ZNF114: variants seen among roughly 807,000 people sequenced by gnomAD.
ZNF114 encodes zinc finger protein 114 (Y18).
In ZNF114, 8 loss-of-function variants were observed where a neutral mutation model predicts 6.8. The ratio of observed to expected loss-of-function variants is 1.18; its 90% CI spans 0.69 to 2.13. The LOEUF is 2.13. Among genes scored for constraint, ZNF114 ranks in the 30% most tolerant of loss-of-function variants. The pLI, the probability that ZNF114 is intolerant of heterozygous loss-of-function variation, is 0.00. For missense variants in ZNF114, 472 were observed against 519.5 expected (o/e 0.91, Z 0.89); for synonymous variants, 169 against 185.5 (o/e 0.91, Z 0.72).
intron 3 of ZNF114, among the ~76,000 whole-genome samples, chr19:48,274,512 T>A (rs1263656474): frequency 6.8e-3 from 159 of 23,330 alleles, no homozygotes; most frequent in African/African-American, 0.026. Flanking sequence ...ATATATTTTT[T>A]TTTTTTTTTT....
chr19:48,275,791 G>A lies in ZNF114; in HGVS notation c.-69-3940G>A, dbSNP rs1366273424. On this transcript the variant is annotated intron_variant, in intron 3 of 5. Transcript: ENST00000595607. ...AGGCAGATCACGAGGTCAGGAGATC[G>A]AGACCACGGTGAAACCCCGTCTCTA... 7.3e-4 allele frequency among the ~76,000 whole-genome samples: 111 copies of A among 151,966 alleles called. 1 individual carries two copies. The highest frequency in any genetic ancestry group is 1.3e-4 in the Non-Finnish European group (9 of 67,968).
intron 4 of ZNF114, 156 bp from the exon 5 acceptor site, chr19:48,282,215 C>T: frequency 9.7e-7 from 1 of 1,028,016 alleles, no homozygotes; most frequent in Non-Finnish European, 1.4e-6. Flanking sequence ...CATCTTAATT[C>T]ATTGACATCT....
chr19:48,282,681 T>TTATTTTATTTTA (rs1311590348), intron 5 of ZNF114, among the ~76,000 whole-genome samples, 184 bp downstream of exon 5: 1 of 131,658 alleles, frequency 7.6e-6, no homozygotes, highest in Non-Finnish European at 1.7e-5. Flanking sequence ...ATTACTTTAT[T>TTATTTTATTTTA]TATTTTATTT....
chr19:48,279,315 T>C (rs1222235493), intron 3 of ZNF114, among the ~76,000 whole-genome samples: 3 of 149,732 alleles, frequency 2.0e-5, no homozygotes, highest in Admixed American at 6.8e-5. Context: ...GGAGGATCAC[T>C]TGAGCCCAGA....
chr19:48,277,308 A>C (rs1206536808), intron 3 of ZNF114, among the ~76,000 whole-genome samples: 1 of 152,188 alleles, frequency 6.6e-6, no homozygotes, highest in Non-Finnish European at 1.5e-5. Flanking sequence ...AGATCTCCCC[A>C]CTGCACTCCA....
At chr19:48,284,435 GA>G (rs201664271) in intron 5 of ZNF114, among the ~76,000 whole-genome samples, 2 of 149,456 alleles carry the variant, frequency 1.3e-5, no homozygotes, top group Non-Finnish European at 3.0e-5. Context: ...TAATTAAAAG[GA>G]AAAAAAAAGA....
At chr19:48,273,212 G>A (rs1338990592) in intron 3 of ZNF114, among the ~76,000 whole-genome samples, 1 of 152,142 alleles carries the variant, frequency 6.6e-6, no homozygotes, top group African/African-American at 2.4e-5. Context: ...TGGTGTGAAG[G>A]TGTCAGGATC....
At chr19:48,276,851 A>G (rs550710255) in intron 3 of ZNF114, among the ~76,000 whole-genome samples, 1 of 152,296 alleles carries the variant, frequency 6.6e-6, no homozygotes, top group African/African-American at 2.4e-5. Context: ...AAAATATTCA[A>G]TTGTCCCAAC....
intron 3 of ZNF114, among the ~76,000 whole-genome samples, chr19:48,278,132 C>T (rs987354160): frequency 3.5e-4 from 53 of 152,070 alleles, no homozygotes; most frequent in African/African-American, 2.7e-4. Context: ...GACAGGGTTT[C>T]GCCATGTTGG....
chr19:48,276,074 C>G (rs201184207), intron 3 of ZNF114, among the ~76,000 whole-genome samples: 1 of 73,418 alleles, frequency 1.4e-5, no homozygotes, highest in East Asian at 5.2e-4. Flanking sequence ...CCTCTTACCT[C>G]TTTTTTTTTT....
At chr19:48,283,824 C>T (rs1369352704) in intron 5 of ZNF114, among the ~76,000 whole-genome samples, 2 of 151,942 alleles carry the variant, frequency 1.3e-5, no homozygotes, top group African/African-American at 2.4e-5. Flanking sequence ...ACCTCCACCT[C>T]CCGGGTTCAA....
chr19:48,278,176 T>C (rs111595968), intron 3 of ZNF114, among the ~76,000 whole-genome samples: 8,467 of 152,286 alleles, frequency 0.056, 498 homozygotes, highest in African/African-American at 0.15. Flanking sequence ...CCTCAAGTGA[T>C]CCACCTGCCT....
At chr19:48,281,892 ATCTT>A (rs1260141194) in intron 4 of ZNF114, among the ~76,000 whole-genome samples, 2 of 84,370 alleles carry the variant, frequency 2.4e-5, no homozygotes, top group African/African-American at 8.7e-5. Flanking sequence ...GTACAACCTC[ATCTT>A]TTTTTTTTTT....
In ZNF114 at chr19:48,286,404, C is replaced by G. The variant is rs748918967; in HGVS notation, c.780C>G (p.Asn260Lys). 6.2e-7 allele frequency: 1 copy of G among 1,614,052 alleles called. No individual in the cohort carries two copies. Among genetic ancestry groups the G allele is most frequent in the Non-Finnish European group, 8.5e-7 (1 of 1,180,050 alleles). ...FTQCENTSRNNSIHAMQMQLY... is the reference protein window; with the variant it reads ...FTQCENTSRNKSIHAMQMQLY... ...AGTGCGAGAACACCTCCAGAAATAA[C>G]TCAATTCACGCCATGCAGATGCAGT... Residue 260 changes from asparagine (N) to lysine (K), a missense_variant, in exon 6 of 6, where the codon AAC becomes AAG. Physicochemically the swap from Asn to Lys is moderately conservative, Grantham distance 94. Transcript: ENST00000595607.
rs1471438463 is a variant in ZNF114 at position 48,286,056 on chromosome 19, T to A, written c.432T>A (p.Asp144Glu). ...PTCRLVPSQG[D>E]SIRQCILTRD... ...GCAGGCTTGTGCCTTCACAGGGAGA[T>A]TCCATAAGACAATGTATCCTAACAC... Residue 144 changes from aspartate to glutamate, a missense_variant, in exon 6 of 6, where the codon GAT becomes GAA. Asp to Glu is a conservative substitution (Grantham distance 45). Transcript: ENST00000595607. 1.9e-6 allele frequency: 3 copies of A among 1,613,902 alleles called. No homozygotes were observed. Among genetic ancestry groups the A allele is most frequent in the African/African-American group, 2.7e-5 (2 of 74,932 alleles).
At position 48,286,823 on chromosome 19, in the gene ZNF114, C is replaced by T. The variant is rs73045531; in HGVS notation, c.1199C>T (p.Ser400Leu). ...ACATGTGGAAAAGACTTTGCAAAGT[C>T]GTCAGGACTTAAAAAACATCTTAAG... ...CKTCGKDFAK[S>L]SGLKKHLKTH... The change falls in exon 6 of 6, where the codon TCG (serine) becomes TTG (leucine). Residue 400 changes from serine (S) to leucine (L), a missense_variant. By Grantham distance (145) the Ser-to-Leu change is moderately radical. Coordinates refer to ENST00000595607, the MANE Select transcript of ZNF114 (RefSeq NM_153608.4). The T allele has an allele frequency of 1.4e-5, 22 of 1,590,154 alleles. No homozygotes were observed. Among genetic ancestry groups the T allele is most frequent in the Admixed American group, 5.7e-5 (3 of 52,502 alleles).
rs1457406599 is a variant in ZNF114, at chr19:48,286,750, T to C, written c.1126T>C (p.Tyr376His). Residue 376 changes from tyrosine (Y) to histidine (H), a missense_variant, in exon 6 of 6, where the codon TAT becomes CAT. By Grantham distance (83) the Tyr-to-His change is moderately conservative. Transcript: ENST00000595607. The part of the protein sequence containing the change: ...CGKVIRESSK[Y>H]THIRSHTGEK... ...GAAAGTCATTCGGGAGTCCTCAAAA[T>C]ATACACATATAAGGAGCCACACTGG... 1.2e-6 allele frequency: 2 copies of C among 1,613,610 alleles called. No homozygotes were observed. Among genetic ancestry groups the C allele is most frequent in the Non-Finnish European group, 1.7e-6 (2 of 1,179,928 alleles).
intron 3 of ZNF114, among the ~76,000 whole-genome samples, chr19:48,273,575 C>T (rs1223941622): frequency 1.3e-5 from 2 of 151,962 alleles, no homozygotes; most frequent in East Asian, 1.9e-4. Context: ...GGTAGGCTTA[C>T]AGCTGAGATG....
chr19:48,286,778 A>G lies in ZNF114; in HGVS notation c.1154A>G (p.Glu385Gly), dbSNP rs892155650. 38 of 1,612,238 alleles carry G rather than the reference A, an allele frequency of 2.4e-5. No individual in the cohort carries two copies. The highest frequency in any genetic ancestry group is 2.9e-5 in the Non-Finnish European group (34 of 1,179,604). Residue 385 changes from glutamate (E) to glycine (G), a missense_variant, in exon 6 of 6, where the codon GAG (glutamate) becomes GGG (glycine). Physicochemically the swap from Glu to Gly is moderately conservative, Grantham distance 98 (BLOSUM62 -2). Coordinates refer to ENST00000595607, the MANE Select transcript of ZNF114 (RefSeq NM_153608.4). ...ACACATATAAGGAGCCACACTGGAG[A>G]GAAACCCTATAAATGTAAGACATGT... ...KYTHIRSHTG[E>G]KPYKCKTCGK...
Sources: allele counts gnomAD v4.1 joint callset (sites outside exome capture counted in the v4.1 genomes callset), GRCh38; gene constraint gnomAD v4.1.1; transcripts MANE v1.5; gene names NCBI Gene and HGNC (gene_info 2026-07-23, HGNC 2026-07-21).